The following FLI1 variants were observed in gnomAD, a reference collection of about 807,000 sequenced individuals.
FLI1 encodes the protein Friend leukemia integration 1 transcription factor.
FLI1 carries 13 observed loss-of-function variants against 53.1 expected under a neutral mutation model. The observed-to-expected ratio is 0.24, with a 90% CI of 0.16 to 0.39. FLI1 has a LOEUF of 0.39. Among genes scored for constraint, FLI1 ranks in the 10% least tolerant of loss-of-function variants. The probability of loss-of-function intolerance (pLI) is 1.00; values close to 1 mark genes in which losing one functional copy is unlikely to be tolerated. For missense variants in FLI1, 424 were observed against 600.5 expected (o/e 0.71, Z 3.07); for synonymous variants, 244 against 236.7 (o/e 1.03, Z -0.28).
chr11:128,751,684 G>A (rs1448933251), intron 1 of FLI1, among the ~76,000 whole-genome samples: 2 of 150,758 alleles, frequency 1.3e-5, no homozygotes, highest in Non-Finnish European at 3.0e-5. Flanking sequence ...CCGCCACCAC[G>A]CCTGGTTAAT....
intron 4 of FLI1, 56 bp downstream of exon 4, chr11:128,773,041 A>G: frequency 5.3e-6 from 8 of 1,509,234 alleles, no homozygotes; most frequent in Admixed American, 1.7e-5. Flanking sequence ...GAGCCAACCC[A>G]GGGAGAGGAA....
At chr11:128,716,751 A>G (rs1211874676) in intron 1 of FLI1, among the ~76,000 whole-genome samples, 1 of 152,186 alleles carries the variant, frequency 6.6e-6, no homozygotes, top group Non-Finnish European at 1.5e-5. Flanking sequence ...GCCTGGCCAC[A>G]GGGCTCTGCA....
At chr11:128,714,204 A>AG (rs1183711140) in intron 1 of FLI1, among the ~76,000 whole-genome samples, 1 of 119,290 alleles carries the variant, frequency 8.4e-6, no homozygotes, top group Non-Finnish European at 1.7e-5. Context: ...TTCACTGGCC[A>AG]GAAAAAAAAA....
At chr11:128,729,833 AG>A (rs1939623662) in intron 1 of FLI1, among the ~76,000 whole-genome samples, 1 of 152,226 alleles carries the variant, frequency 6.6e-6, no homozygotes, top group Non-Finnish European at 1.5e-5. Flanking sequence ...CTTGTTCTCC[AG>A]AATGATTTTT....
At position 128,812,725 on chromosome 11, in the gene FLI1, A is replaced by T. The variant is rs1216729488; in HGVS notation, c.*1737A>T. On this transcript the variant is annotated 3_prime_UTR_variant, in exon 9 of 9. Transcript: ENST00000527786. ...CTATCCAGACTGGTCTGTGAGATTT[A>T]ACTCTGCAGCCTCCCCTGGGCACTT... 4.6e-6 allele frequency: 1 copy of T among 218,440 alleles called. No homozygotes were observed. The highest frequency in any genetic ancestry group is 9.2e-6 in the Non-Finnish European group (1 of 108,524). 13.5% of individuals were successfully genotyped at this position (218,440 alleles called of 1,614,324 possible).
At chr11:128,713,439 C>T (rs1041383796) in intron 1 of FLI1, among the ~76,000 whole-genome samples, 2 of 152,088 alleles carry the variant, frequency 1.3e-5, no homozygotes, top group African/African-American at 4.8e-5. Context: ...ATTCTGTGAA[C>T]AAAGTGAGTG....
At chr11:128,722,050 C>T (rs1206120130) in intron 1 of FLI1, among the ~76,000 whole-genome samples, 1 of 152,132 alleles carries the variant, frequency 6.6e-6, no homozygotes, top group African/African-American at 2.4e-5. Context: ...GTAGGATGCT[C>T]CAAAAGACCC....
chr11:128,754,398 C>T (rs1940782323), intron 1 of FLI1, among the ~76,000 whole-genome samples: 1 of 152,112 alleles, frequency 6.6e-6, no homozygotes, highest in Non-Finnish European at 1.5e-5. Context: ...ACTTACCTTA[C>T]ACAATGGCAA....
At chr11:128,784,344 AG>A (rs1297237691) in intron 5 of FLI1, among the ~76,000 whole-genome samples, 2 of 148,822 alleles carry the variant, frequency 1.3e-5, no homozygotes, top group African/African-American at 5.0e-5. Flanking sequence ...GTGTTTAGGG[AG>A]GACATTTGTA....
At chr11:128,758,645 T>TG (rs1940991594) in intron 2 of FLI1, among the ~76,000 whole-genome samples, 1 of 152,194 alleles carries the variant, frequency 6.6e-6, no homozygotes, top group Non-Finnish European at 1.5e-5. Flanking sequence ...CCAGTCCTGT[T>TG]GGGGACAGCT....
chr11:128,798,511 T>C (rs1290331991), intron 5 of FLI1, among the ~76,000 whole-genome samples: 1 of 152,200 alleles, frequency 6.6e-6, no homozygotes, highest in East Asian at 1.9e-4. Context: ...CGTAGGTCTT[T>C]TTTTCCCTTT....
chr11:128,737,262 C>A (rs1165028793), intron 1 of FLI1, among the ~76,000 whole-genome samples: 1 of 152,144 alleles, frequency 6.6e-6, no homozygotes, highest in East Asian at 1.9e-4. Flanking sequence ...GTTCCCTGAC[C>A]ACCTCACCAC....
At chr11:128,686,756 C>G (rs1376700987) in intron 1 of FLI1, 1 of 302,502 alleles carries the variant, frequency 3.3e-6, no homozygotes, top group Admixed American at 4.5e-5. Context: ...CTACCCCACC[C>G]GGGCCTATGG....
chr11:128,741,615 T>C (rs1397523387), intron 1 of FLI1, among the ~76,000 whole-genome samples: 1 of 152,152 alleles, frequency 6.6e-6, no homozygotes, highest in South Asian at 2.1e-4. Flanking sequence ...CCCCTTCTCC[T>C]TCTTGCTGTG....
intron 1 of FLI1, among the ~76,000 whole-genome samples, chr11:128,717,541 G>T (rs1234085393): frequency 2.0e-5 from 3 of 152,174 alleles, no homozygotes; most frequent in Admixed American, 2.0e-4. Flanking sequence ...GGGCAGGCAG[G>T]AAGTGCCTTT....
At chr11:128,709,945 A>T (rs1938716353) in intron 1 of FLI1, among the ~76,000 whole-genome samples, 1 of 152,228 alleles carries the variant, frequency 6.6e-6, no homozygotes, top group African/African-American at 2.4e-5. Flanking sequence ...TGTAAATGCT[A>T]CTAATAGGTT....
intron 1 of FLI1, among the ~76,000 whole-genome samples, chr11:128,699,361 A>G (rs1591730921): frequency 6.6e-6 from 1 of 152,208 alleles, no homozygotes; most frequent in East Asian, 1.9e-4. Flanking sequence ...TTTTATATTG[A>G]TAGTTTTTTT....
upstream of FLI1, chr11:128,693,941 C>CGAGAGAGAGAGAGA (rs57930585): frequency 1.8e-4 from 32 of 176,692 alleles, no homozygotes; most frequent in Non-Finnish European, 2.2e-4. Context: ...GAGCTCGAGG[C>CGAGAGAGAGAGAGA]GAGAGAGAGA....
At chr11:128,746,994 A>G (rs1015072656) in intron 1 of FLI1, among the ~76,000 whole-genome samples, 3 of 152,224 alleles carry the variant, frequency 2.0e-5, no homozygotes, top group Non-Finnish European at 2.9e-5. Context: ...CCCCATCTGC[A>G]GCCAGGATGG....
Sources: gnomAD v4.1 joint callset for allele counts (sites outside exome capture counted in the v4.1 genomes callset) on GRCh38, gnomAD v4.1.1 for gene constraint, MANE v1.5 for transcripts, NCBI Gene and HGNC (gene_info 2026-07-23, HGNC 2026-07-21) for gene names.